EFCAB5: variants seen among roughly 807,000 people sequenced by gnomAD.
The protein encoded by EFCAB5 is EF-hand calcium binding domain 5, also known as EF-hand calcium-binding domain-containing protein 5.
EFCAB5 carries 131 observed loss-of-function variants against 167.9 expected under a neutral mutation model. That is an observed-to-expected ratio of 0.78 (90% CI 0.68 to 0.90). EFCAB5 has a LOEUF of 0.90. Ranked by LOEUF, EFCAB5 falls within the 40% of genes least tolerant of loss-of-function variation. The pLI is 0.00. For missense variants in EFCAB5, 1,663 were observed against 1,745.2 expected (o/e 0.95, Z 0.84); for synonymous variants, 574 against 602.8 (o/e 0.95, Z 0.70).
At chr17:30,103,678 A>G (rs1253277210) in intron 22 of EFCAB5, among the ~76,000 whole-genome samples, 1 of 152,246 alleles carries the variant, frequency 6.6e-6, no homozygotes, top group African/African-American at 2.4e-5. Context: ...CCTGATTGCC[A>G]TGGCAAATGT....
At chr17:30,080,429 G>A (rs1597781326) in intron 16 of EFCAB5, among the ~76,000 whole-genome samples, 188 bp downstream of exon 16, 1 of 152,160 alleles carries the variant, frequency 6.6e-6, no homozygotes, top group South Asian at 2.1e-4. Context: ...TCGCTCTTTG[G>A]TAATGATTCG....
intron 8 of EFCAB5, 36 bp from the exon 9 acceptor site, chr17:30,051,082 T>C (rs1375763814): frequency 1.3e-6 from 2 of 1,599,434 alleles, no homozygotes; most frequent in African/African-American, 1.3e-5. Context: ...TTAAATCTCC[T>C]GTAACAACTA....
rs770474120 is a variant in EFCAB5, at chr17:30,034,252, A to C, written c.1067A>C (p.Asp356Ala). Residue 356 changes from aspartate to alanine, a missense_variant, in exon 8 of 23, where the codon GAC (aspartate) becomes GCC (alanine). Physicochemically the swap from Asp to Ala is moderately radical, Grantham distance 126. Coordinates refer to ENST00000394835, the MANE Select transcript of EFCAB5 (RefSeq NM_198529.4). Reference sequence around the variant, plus strand: ...TAGTACATCTCTTCACATATTAAAGACTTGAAGAGTGAAATGTTTGAGGAA... The same window carrying C: ...TAGTACATCTCTTCACATATTAAAGCCTTGAAGAGTGAAATGTTTGAGGAA... ...FTEYISSHIK[D>A]LKSEMFEELL... is the part of the protein sequence containing the mutation. The C allele has an allele frequency of 2.6e-5, 42 of 1,613,824 alleles. No homozygotes were observed. The highest frequency in any genetic ancestry group is 3.5e-5 in the Non-Finnish European group (41 of 1,179,882).
intron 19 of EFCAB5, among the ~76,000 whole-genome samples, chr17:30,087,594 A>G (rs2071114143): frequency 6.6e-6 from 1 of 152,094 alleles, no homozygotes; most frequent in Admixed American, 6.5e-5. Context: ...TTCCGGTTCC[A>G]TCCATGTCCC....
intron 14 of EFCAB5, among the ~76,000 whole-genome samples, chr17:30,063,075 G>C (rs1023058651): frequency 1.3e-5 from 2 of 152,180 alleles, no homozygotes; most frequent in African/African-American, 4.8e-5. Flanking sequence ...CAGAGCATTG[G>C]CTGAGCTAAG....
chr17:30,029,383 G>A (rs2069417123), intron 7 of EFCAB5, among the ~76,000 whole-genome samples: 1 of 152,114 alleles, frequency 6.6e-6, no homozygotes, highest in South Asian at 2.1e-4. Context: ...ATTTTATAAT[G>A]AGGTGTTGAG....
chr17:30,001,503 G>C (rs563500618), intron 7 of EFCAB5, among the ~76,000 whole-genome samples: 2 of 152,304 alleles, frequency 1.3e-5, no homozygotes, highest in African/African-American at 4.8e-5. Context: ...AAGTAGGCCT[G>C]ATGTGGTGGC....
In EFCAB5 at chr17:30,082,964, C is replaced by T. The variant is rs2071018918; in HGVS notation, c.3500C>T (p.Thr1167Ile). The change falls in exon 18 of 23, where the codon ACT becomes ATT. Residue 1167 changes from threonine to isoleucine, a missense_variant. Thr to Ile is a moderately conservative substitution (Grantham distance 89, BLOSUM62 -1). Coordinates refer to ENST00000394835, the MANE Select transcript of EFCAB5 (RefSeq NM_198529.4). ...GAGCACATTCTGCATATTGTGATCA[C>T]TGGCATAGGCTGGCTTTATGACGTC... Reference protein sequence around the residue: ...SREHILHIVITGIGWLYDVTS... With the variant: ...SREHILHIVIIGIGWLYDVTS... 1 of 1,614,026 alleles carries T rather than the reference C, an allele frequency of 6.2e-7. No individual in the cohort carries two copies. Among genetic ancestry groups the T allele is most frequent in the Non-Finnish European group, 8.5e-7 (1 of 1,179,904 alleles).
intron 8 of EFCAB5, among the ~76,000 whole-genome samples, chr17:30,049,147 G>C (rs1017360045): frequency 1.3e-5 from 2 of 152,096 alleles, no homozygotes; most frequent in African/African-American, 2.4e-5. Flanking sequence ...AGTAGCATTA[G>C]ATACCTTGGT....
At chr17:30,059,275 T>A (rs1016651473) in intron 13 of EFCAB5, 55 of 216,910 alleles carry the variant, frequency 2.5e-4, no homozygotes, top group Non-Finnish European at 3.8e-4. Context: ...TTAAAAAAAA[T>A]TTTTTTTAAG....
In EFCAB5 at chr17:30,092,164, T is replaced by A; in HGVS notation, c.4224+7T>A. The A allele has an allele frequency of 6.3e-7, 1 of 1,596,874 alleles. No individual in the cohort carries two copies. The highest frequency in any genetic ancestry group is 8.5e-7 in the Non-Finnish European group (1 of 1,172,422). On this transcript the variant is annotated splice_region_variant and intron_variant, in intron 21 of 22. Transcript: ENST00000394835. ...TTGGGATAAGTGTAAATTTGTAAGT[T>A]TTTTTTTAAAAAGCACCTTTTAAAT...
chr17:30,069,617 G>T, intron 14 of EFCAB5: 2 of 1,612,388 alleles, frequency 1.2e-6, no homozygotes, highest in African/African-American at 1.3e-5. Flanking sequence ...GCTCTTCCTC[G>T]ACTGGTACCA....
At chr17:30,102,522 C>T (rs2071395274) in intron 22 of EFCAB5, among the ~76,000 whole-genome samples, 1 of 152,090 alleles carries the variant, frequency 6.6e-6, no homozygotes, top group African/African-American at 2.4e-5. Flanking sequence ...AGGCATGAGC[C>T]ACCATACCCG....
In EFCAB5 at chr17:30,102,455, C is replaced by T. The variant is rs141832147; in HGVS notation, c.4322-5379C>T. 7.7e-3 allele frequency among the ~76,000 whole-genome samples: 1,178 copies of T among 152,094 alleles called. 22 individuals are homozygous for T. Among genetic ancestry groups the T allele is most frequent in the African/African-American group, 0.027 (1,120 of 41,468 alleles). On this transcript the variant is annotated intron_variant, in intron 22 of 22. Transcript: ENST00000394835. ...GTGTGATCATGGCTCACTGTAACCT[C>T]GAACTCCTGGGCTTAGGTGATTCTC...
rs35724168 is a variant in EFCAB5, at chr17:30,090,558, G to C, written c.3821G>C (p.Arg1274Thr). Residue 1274 changes from arginine (R) to threonine (T), a missense_variant, in exon 20 of 23, where the codon AGG becomes ACG. Physicochemically the swap from Arg to Thr is moderately conservative, Grantham distance 71 (BLOSUM62 -1). Transcript: ENST00000394835. ...CTCGATTTTAACATCGGCCAAAATA[G>C]GATGTTGTTGTGTCAAGAATATAAA... ...GVLDFNIGQN[R>T]MLLCQEYKDL... 6,240 of 1,613,948 alleles carry C rather than the reference G, an allele frequency of 3.9e-3. 121 individuals carry two copies. The African/African-American group carries it at 0.056, about 15-fold the overall frequency.
chr17:30,085,005 C>T (rs1356460996), intron 18 of EFCAB5, among the ~76,000 whole-genome samples: 1 of 152,196 alleles, frequency 6.6e-6, no homozygotes, highest in Non-Finnish European at 1.5e-5. Context: ...CTCTCCCCGC[C>T]TCTTCAGGCT....
chr17:29,962,667 A>G (rs1173131952), intron 3 of EFCAB5, among the ~76,000 whole-genome samples: 1 of 127,130 alleles, frequency 7.9e-6, no homozygotes, highest in Non-Finnish European at 1.6e-5. Context: ...GGGTCTCGGT[A>G]TGTTGCCCTA....
intron 3 of EFCAB5, among the ~76,000 whole-genome samples, chr17:29,953,297 A>T (rs1348574835): frequency 6.6e-6 from 1 of 152,218 alleles, no homozygotes; most frequent in Non-Finnish European, 1.5e-5. Flanking sequence ...CCACAAAAAA[A>T]ATAAAATAAA....
intron 1 of EFCAB5, chr17:29,930,308 T>G: frequency 2.4e-6 from 1 of 413,062 alleles, no homozygotes; most frequent in East Asian, 4.5e-5. Flanking sequence ...TCGTAACCCT[T>G]GAGTTGCCGG....
Sources: gnomAD v4.1 joint callset for allele counts (sites outside exome capture counted in the v4.1 genomes callset) on GRCh38, gnomAD v4.1.1 for gene constraint, MANE v1.5 for transcripts, NCBI Gene and HGNC (gene_info 2026-07-23, HGNC 2026-07-21) for gene names.